PAK5: variants seen among roughly 807,000 people sequenced by gnomAD.
PAK5 encodes p21 (RAC1) activated kinase 5.
A neutral mutation model predicts 65.9 loss-of-function variants in PAK5; 16 were observed. The observed-to-expected ratio is 0.24, with a 90% confidence interval of 0.16 to 0.37. The LOEUF (loss-of-function observed/expected upper bound fraction) is 0.37. Among genes scored for constraint, PAK5 ranks in the 10% least tolerant of loss-of-function variants. PAK5 has a pLI of 1.00. For synonymous variants in PAK5, 371 were observed against 354.9 expected (o/e 1.05, Z -0.51); for missense variants, 785 against 903.9 (o/e 0.87, Z 1.69).
At chr20:9,674,716 TG>T (rs142666428) in intron 2 of PAK5, among the ~76,000 whole-genome samples, 24 of 152,222 alleles carry the variant, frequency 1.6e-4, no homozygotes, top group Admixed American at 4.6e-4. Context: ...GCAGGGCAGG[TG>T]GAAGTGAGAG....
At chr20:9,833,873 C>T (rs536217641) in intron 1 of PAK5, among the ~76,000 whole-genome samples, 81 of 152,148 alleles carry the variant, frequency 5.3e-4, no homozygotes, top group Non-Finnish European at 1.0e-3. Context: ...TTATTATTCA[C>T]GAGTATTTTA....
chr20:9,743,756 G>A (rs545291745), intron 1 of PAK5, among the ~76,000 whole-genome samples: 2 of 152,122 alleles, frequency 1.3e-5, no homozygotes, highest in Non-Finnish European at 2.9e-5. Context: ...AATATTTCAA[G>A]GGAAATGCCC....
chr20:9,766,365 ATATATTCAAGCAGAATATATATG>A (rs2048761640), intron 1 of PAK5, among the ~76,000 whole-genome samples: 2 of 110,638 alleles, frequency 1.8e-5, no homozygotes, highest in Admixed American at 1.1e-4. Context: ...GAATATATAT[ATATATTCAAGCAGAATATATATG>A]TATATATATA....
At chr20:9,682,023 T>C (rs2047656322) in intron 2 of PAK5, among the ~76,000 whole-genome samples, 1 of 152,146 alleles carries the variant, frequency 6.6e-6, no homozygotes, top group South Asian at 2.1e-4. Context: ...CGAGAAAAGT[T>C]TGACAATTTA....
chr20:9,752,648 AT>A (rs1479835277), intron 1 of PAK5, among the ~76,000 whole-genome samples: 2 of 152,182 alleles, frequency 1.3e-5, no homozygotes, highest in Non-Finnish European at 2.9e-5. Context: ...AATTTAAAAA[AT>A]TTAAAAATAA....
chr20:9,595,025 A>T (rs922235907), intron 3 of PAK5, among the ~76,000 whole-genome samples: 2 of 151,824 alleles, frequency 1.3e-5, no homozygotes, highest in Admixed American at 1.3e-4. Context: ...ATATATGTAT[A>T]TTTAGGTGTA....
rs137935514 is a variant in PAK5 at position 9,577,861 on chromosome 20, T to G, written c.990+2284A>C. Among the ~76,000 whole-genome samples the G allele has an allele frequency of 5.7e-3, 866 of 152,236 alleles. 2 individuals are homozygous for G. Among genetic ancestry groups the G allele is most frequent in the African/African-American group, 0.016 (674 of 41,540 alleles). ...GATTATGCTGTTTTTGTTGTTGTTGTTGGTGGTGGTGAGCCACAATAGTTT... is the reference window on the plus strand; with the variant it reads ...GATTATGCTGTTTTTGTTGTTGTTGGTGGTGGTGGTGAGCCACAATAGTTT... On this transcript the variant is annotated intron_variant, in intron 4 of 9. Coordinates refer to ENST00000353224, the MANE Select transcript of PAK5 (RefSeq NM_177990.4).
chr20:9,774,736 G>A (rs1375386315), intron 1 of PAK5, among the ~76,000 whole-genome samples: 1 of 152,040 alleles, frequency 6.6e-6, no homozygotes, highest in South Asian at 2.1e-4. Context: ...GAGGTCAGGA[G>A]ATCGAGACCA....
At chr20:9,609,178 A>G (rs2046511688) in intron 3 of PAK5, among the ~76,000 whole-genome samples, 2 of 152,144 alleles carry the variant, frequency 1.3e-5, no homozygotes, top group South Asian at 4.1e-4. Flanking sequence ...CAGCCTCTCT[A>G]GTAATGAAGA....
chr20:9,792,366 C>T (rs2049059012), intron 1 of PAK5, among the ~76,000 whole-genome samples: 1 of 152,112 alleles, frequency 6.6e-6, no homozygotes, highest in Non-Finnish European at 1.5e-5. Context: ...TGGCCCTGGC[C>T]TCTAGATTAA....
intron 1 of PAK5, among the ~76,000 whole-genome samples, chr20:9,790,792 C>T (rs967811204): frequency 2.6e-5 from 4 of 152,204 alleles, no homozygotes; most frequent in Middle Eastern, 3.4e-3. Flanking sequence ...AGCCACTGCA[C>T]CCAGTTGAAT....
chr20:9,708,057 C>A (rs1048114807), intron 2 of PAK5, among the ~76,000 whole-genome samples: 2 of 152,194 alleles, frequency 1.3e-5, no homozygotes, highest in African/African-American at 4.8e-5. Context: ...TACAATACTA[C>A]AGTCTTTTGG....
chr20:9,828,554 G>T (rs1978460863), intron 1 of PAK5, among the ~76,000 whole-genome samples: 1 of 152,134 alleles, frequency 6.6e-6, no homozygotes, highest in South Asian at 2.1e-4. Context: ...CTTCCAGAAA[G>T]TTCACTTCCT....
At chr20:9,597,025 G>T (rs1487095939) in intron 3 of PAK5, among the ~76,000 whole-genome samples, 1 of 152,152 alleles carries the variant, frequency 6.6e-6, no homozygotes, top group African/African-American at 2.4e-5. Flanking sequence ...GTGTTCCCTT[G>T]GTGGCTGAAC....
chr20:9,745,525 G>A (rs2048496937), intron 1 of PAK5, among the ~76,000 whole-genome samples: 1 of 151,998 alleles, frequency 6.6e-6, no homozygotes, highest in Non-Finnish European at 1.5e-5. Context: ...CTAATGAATG[G>A]GTTACAAAAT....
At chr20:9,758,327 G>T (rs192631488) in intron 1 of PAK5, among the ~76,000 whole-genome samples, 15 of 152,174 alleles carry the variant, frequency 9.9e-5, no homozygotes, top group Admixed American at 8.5e-4. Context: ...CAACACATGT[G>T]GCCAAAACAT....
chr20:9,742,220 G>A (rs1404573838), intron 1 of PAK5, among the ~76,000 whole-genome samples: 1 of 152,028 alleles, frequency 6.6e-6, no homozygotes, highest in African/African-American at 2.4e-5. Context: ...TCAACAGACA[G>A]ATGGCACTGT....
At chr20:9,829,265 G>A (rs1363159364) in intron 1 of PAK5, among the ~76,000 whole-genome samples, 1 of 152,196 alleles carries the variant, frequency 6.6e-6, no homozygotes, top group East Asian at 1.9e-4. Context: ...CTGAATCTGA[G>A]GATTTGAGAG....
chr20:9,727,195 G>A (rs2423439), intron 1 of PAK5, among the ~76,000 whole-genome samples: 99,634 of 151,972 alleles, frequency 0.66, 33,134 homozygotes, highest in South Asian at 0.84. Flanking sequence ...AATTATTTCT[G>A]TATTACTTTT....
Sources: gnomAD v4.1 joint callset for allele counts (sites outside exome capture counted in the v4.1 genomes callset) on GRCh38, gnomAD v4.1.1 for gene constraint, MANE v1.5 for transcripts, NCBI Gene and HGNC (gene_info 2026-07-23, HGNC 2026-07-21) for gene names.